Variants in NRXN1 observed in about 807,000 individuals in gnomAD.
NRXN1 encodes the protein neurexin 1.
NRXN1 carries 39 observed loss-of-function variants against 150.9 expected under a neutral mutation model. That is an observed-to-expected ratio of 0.26 (90% CI 0.20 to 0.34). The LOEUF is 0.34. Ranked by LOEUF, NRXN1 falls within the 10% of genes least tolerant of loss-of-function variation. The pLI is 1.00. For missense variants in NRXN1, 1,815 were observed against 1,949.9 expected, an observed-to-expected ratio of 0.93 and a Z score of 1.30; for synonymous variants, 924 against 757.0, an observed-to-expected ratio of 1.22 and a Z score of -3.62.
chr2:50,263,448 ATT>A (rs1287099730), intron 17 of NRXN1, among the ~76,000 whole-genome samples: 2 of 152,130 alleles, frequency 1.3e-5, no homozygotes, highest in South Asian at 2.1e-4. Flanking sequence ...ACAAATTATT[ATT>A]TTTATATAGG....
chr2:50,392,960 C>T (rs1268744434), intron 17 of NRXN1, among the ~76,000 whole-genome samples: 2 of 151,996 alleles, frequency 1.3e-5, no homozygotes, highest in African/African-American at 2.4e-5. Flanking sequence ...ACAGATTTTA[C>T]TTTAAATCTT....
Position 50,891,165 on chromosome 2 carries a change from A to G in NRXN1, c.832+30704T>C, listed in dbSNP as rs564829922. 2.6e-5 allele frequency among the ~76,000 whole-genome samples: 4 copies of G among 152,140 alleles called. No homozygotes were observed. In the South Asian group the frequency reaches 8.3e-4, roughly 32 times the overall value. On this transcript the variant is annotated intron_variant, in intron 5 of 22. Transcript: ENST00000401669. ...AGAGAAAATACTAGTGATTTATTGAAAGATCTATGCTTCTGTCTTTCAATA... is the reference window on the plus strand; with the variant it reads ...AGAGAAAATACTAGTGATTTATTGAGAGATCTATGCTTCTGTCTTTCAATA...
At chr2:50,387,960 G>C (rs956652518) in intron 17 of NRXN1, among the ~76,000 whole-genome samples, 4 of 152,136 alleles carry the variant, frequency 2.6e-5, no homozygotes, top group Non-Finnish European at 4.4e-5. Context: ...AAAACTGAAA[G>C]ATGATTAGAT....
chr2:50,633,488 G>A (rs768329084), intron 5 of NRXN1, among the ~76,000 whole-genome samples: 56 of 151,836 alleles, frequency 3.7e-4, no homozygotes, highest in Non-Finnish European at 6.8e-4. Flanking sequence ...TTCATAGAAG[G>A]CTTGACCAAG....
At chr2:50,986,990 C>T (rs1697826058) in intron 2 of NRXN1, among the ~76,000 whole-genome samples, 1 of 151,740 alleles carries the variant, frequency 6.6e-6, no homozygotes, top group South Asian at 2.1e-4. Context: ...GACTCTTTTC[C>T]ATTTCACAAT....
chr2:50,159,951 A>G (rs1034445888), intron 18 of NRXN1, among the ~76,000 whole-genome samples: 1 of 152,188 alleles, frequency 6.6e-6, no homozygotes, highest in African/African-American at 2.4e-5. Context: ...TTTATTTTAT[A>G]GCCCATATAT....
chr2:50,304,193 C>A (rs372347911), intron 17 of NRXN1, among the ~76,000 whole-genome samples: 15 of 151,872 alleles, frequency 9.9e-5, no homozygotes, highest in South Asian at 4.2e-4. Flanking sequence ...CTGGGCACAC[C>A]GAAATAAATT....
In NRXN1 at chr2:50,346,346, G is replaced by T. The variant is rs1365363642; in HGVS notation, c.3365-109376C>A. On this transcript the variant is annotated intron_variant, in intron 17 of 22. Coordinates refer to ENST00000401669, the MANE Select transcript of NRXN1 (RefSeq NM_001330078.2). The surrounding 1 kb of genome is among the most constrained non-coding windows in gnomAD (Gnocchi z 5.0). Reference sequence around the variant, plus strand: ...TGCTCAGGTCCCTTAGCTGAGCGCGGCGCCCCATCCGGCCACTGAGTGACC... The same window carrying T: ...TGCTCAGGTCCCTTAGCTGAGCGCGTCGCCCCATCCGGCCACTGAGTGACC... Among the ~76,000 whole-genome samples the T allele has an allele frequency of 6.6e-6, 1 of 152,092 alleles. No individual in the cohort carries two copies. Among genetic ancestry groups the T allele is most frequent in the Non-Finnish European group, 1.5e-5 (1 of 68,014 alleles).
chr2:50,305,497 A>C (rs555229789), intron 17 of NRXN1, among the ~76,000 whole-genome samples: 1 of 152,182 alleles, frequency 6.6e-6, no homozygotes, highest in Non-Finnish European at 1.5e-5. Context: ...AACAAGAAAA[A>C]TTTTATTTGT....
chr2:50,956,651 G>A (rs1036413125), intron 2 of NRXN1, among the ~76,000 whole-genome samples: 1 of 152,002 alleles, frequency 6.6e-6, no homozygotes, highest in South Asian at 2.1e-4. Flanking sequence ...AGGAGGCTGA[G>A]GCAGGAGAAT....
intron 17 of NRXN1, among the ~76,000 whole-genome samples, chr2:50,343,386 C>A (rs557387233): frequency 3.9e-5 from 6 of 151,982 alleles, no homozygotes; most frequent in Non-Finnish European, 7.4e-5. Context: ...CTCTTGTTGG[C>A]GTTAAGTAGC....
chr2:50,422,981 C>G (rs949672668), intron 17 of NRXN1, among the ~76,000 whole-genome samples: 2 of 152,164 alleles, frequency 1.3e-5, no homozygotes, highest in Non-Finnish European at 2.9e-5. Context: ...CCATGGAAAA[C>G]GTTTTGCTGG....
intron 5 of NRXN1, among the ~76,000 whole-genome samples, chr2:50,787,759 G>A (rs1705342493): frequency 6.6e-6 from 1 of 151,492 alleles, no homozygotes; most frequent in Admixed American, 6.6e-5. Context: ...GAAAAGACCA[G>A]GAACCATGAG....
intron 17 of NRXN1, among the ~76,000 whole-genome samples, chr2:50,278,221 C>A (rs1485184822): frequency 1.5e-5 from 1 of 68,652 alleles, no homozygotes; most frequent in African/African-American, 5.0e-5. Context: ...CACCACCACA[C>A]CTGGCTTTTA....
chr2:49,937,870 C>G (rs1042577523), intron 22 of NRXN1, among the ~76,000 whole-genome samples: 1 of 151,922 alleles, frequency 6.6e-6, no homozygotes, highest in African/African-American at 2.4e-5. Flanking sequence ...AAAATATGAC[C>G]CAGCAAGACA....
At chr2:50,049,552 A>G (rs1016160172) in intron 21 of NRXN1, among the ~76,000 whole-genome samples, 2 of 152,164 alleles carry the variant, frequency 1.3e-5, no homozygotes, top group Non-Finnish European at 2.9e-5. Context: ...TATTCTCTAT[A>G]GTATGTATGT....
chr2:50,527,027 C>T (rs573651047), intron 12 of NRXN1, among the ~76,000 whole-genome samples: 40 of 152,288 alleles, frequency 2.6e-4, no homozygotes, highest in African/African-American at 9.4e-4. Context: ...TACAGAATCA[C>T]ATGTCATTTG....
intron 5 of NRXN1, among the ~76,000 whole-genome samples, chr2:50,817,425 T>TAA (rs34700019): frequency 2.7e-5 from 4 of 150,238 alleles, no homozygotes; most frequent in South Asian, 2.1e-4. Flanking sequence ...CACAAAACAA[T>TAA]AAAAAAAAAT....
At chr2:50,281,316 C>CACAAAAAAACAAAACAAAACAAAAAA (rs1187135501) in intron 17 of NRXN1, among the ~76,000 whole-genome samples, 107 of 124,706 alleles carry the variant, frequency 8.6e-4, no homozygotes, top group African/African-American at 3.0e-3. Flanking sequence ...GACTCCGTCT[C>CACAAAAAAACAAAACAAAACAAAAAA]AAAAACAATA....
Sources: gnomAD v4.1 joint callset for allele counts (sites outside exome capture counted in the v4.1 genomes callset) on GRCh38, gnomAD v4.1.1 for gene constraint, Gnocchi (gnomAD v3.1) non-coding constraint, MANE v1.5 for transcripts, NCBI Gene and HGNC (gene_info 2026-07-23, HGNC 2026-07-21) for gene names.